SPAG17: variants seen among roughly 807,000 people sequenced by gnomAD.
The protein encoded by SPAG17 is sperm associated antigen 17.
In SPAG17, 169 loss-of-function variants were observed where a neutral mutation model predicts 273.6. That is an observed-to-expected ratio of 0.62 (90% CI 0.55 to 0.70). SPAG17 has a LOEUF of 0.70. Among genes scored for constraint, SPAG17 ranks in the 30% least tolerant of loss-of-function variants. SPAG17 has a pLI of 0.00. For synonymous variants in SPAG17, 825 were observed against 873.2 expected (o/e 0.94, Z 0.97); for missense variants, 2,557 against 2,627.8 (o/e 0.97, Z 0.59).
At chr1:118,035,647 C>T (rs545318377) in intron 24 of SPAG17, among the ~76,000 whole-genome samples, 1 of 152,188 alleles carries the variant, frequency 6.6e-6, no homozygotes, top group South Asian at 2.1e-4. Context: ...GAAAATTTAT[C>T]TCTGCAAAAA....
rs186037411 is a variant in SPAG17 at position 118,147,470 on chromosome 1, A to G, written c.315+3073T>C. On this transcript the variant is annotated intron_variant, in intron 3 of 48. Coordinates refer to ENST00000336338, the MANE Select transcript of SPAG17 (RefSeq NM_206996.4). ...CCAACATTCCTGAGAATATACACAA[A>G]TAATAATATTCTGTTCTCATTCCCA... Among the ~76,000 whole-genome samples the G allele has an allele frequency of 5.3e-5, 8 of 151,878 alleles. No individual in the cohort carries two copies. In the South Asian group the frequency reaches 8.4e-4, roughly 16 times the overall value.
chr1:118,094,059 A>G (rs1655557709), intron 7 of SPAG17, among the ~76,000 whole-genome samples: 1 of 152,154 alleles, frequency 6.6e-6, no homozygotes, highest in Admixed American at 6.5e-5. Context: ...TCTGAGTTCA[A>G]GAAGTAAGGT....
At position 118,094,078 on chromosome 1, in the gene SPAG17, A is replaced by T. The variant is rs574552682; in HGVS notation, c.1012-761T>A. ...AGTTCAAGAAGTAAGGTGGTATGAG[A>T]TGGTTCCTTGTATGCAGAAGTCCAG... On this transcript the variant is annotated intron_variant, in intron 7 of 48. Coordinates refer to ENST00000336338, the MANE Select transcript of SPAG17 (RefSeq NM_206996.4). Among the ~76,000 whole-genome samples the T allele has an allele frequency of 3.3e-5, 5 of 152,252 alleles. No homozygotes were observed. In the East Asian group the frequency reaches 9.6e-4, roughly 29 times the overall value.
chr1:118,025,446 C>A lies in SPAG17; in HGVS notation c.3731-30G>T, dbSNP rs376669390. 2.1e-6 allele frequency: 3 copies of A among 1,423,690 alleles called. No homozygotes were observed. In the East Asian group the frequency reaches 7.3e-5, roughly 35 times the overall value. 88.2% of individuals were successfully genotyped at this position (1,423,690 alleles called of 1,614,324 possible). ...AAAAAGAATAAAGCCTTCTTGTGAA[C>A]TGGACAATGCTGCAGGGCTGGATTT... On this transcript the variant is annotated intron_variant, in intron 26 of 48. Transcript: ENST00000336338.
chr1:118,141,032 C>A (rs550401674), intron 3 of SPAG17, among the ~76,000 whole-genome samples: 9 of 152,176 alleles, frequency 5.9e-5, no homozygotes, highest in Non-Finnish European at 1.2e-4. Context: ...TCCTTTCATT[C>A]ATCTCCAAAC....
At chr1:118,030,231 T>C (rs1648283563) in intron 25 of SPAG17, among the ~76,000 whole-genome samples, 1 of 152,138 alleles carries the variant, frequency 6.6e-6, no homozygotes, top group African/African-American at 2.4e-5. Context: ...GGCAATGACA[T>C]ATTTAAACCT....
intron 1 of SPAG17, among the ~76,000 whole-genome samples, chr1:118,178,147 G>C (rs1431964792): frequency 6.6e-6 from 1 of 152,054 alleles, no homozygotes; most frequent in Admixed American, 6.5e-5. Flanking sequence ...CACTGATAAA[G>C]TGATAAATAT....
chr1:118,150,557 G>A lies in SPAG17; in HGVS notation c.301C>T (p.Pro101Ser), dbSNP rs544643666. ...CTTTCACTTACCTCATAATATAAAG[G>A]AGCATTACCACCTACAGGTTTTTTT... The part of the protein sequence containing the change: ...KAKKPVGGNA[P>S]LYYEVLTAAK... Residue 101 changes from proline to serine, a missense_variant, in exon 3 of 49, where the codon CCT becomes TCT. Transcript: ENST00000336338. 13 of 1,566,406 alleles carry A rather than the reference G, an allele frequency of 8.3e-6. No individual in the cohort carries two copies. Among genetic ancestry groups the A allele is most frequent in the Non-Finnish European group, 4.4e-6 (5 of 1,144,224 alleles).
chr1:118,111,388 G>GC (rs1656743767), intron 4 of SPAG17, among the ~76,000 whole-genome samples: 1 of 152,020 alleles, frequency 6.6e-6, no homozygotes, highest in African/African-American at 2.4e-5. Flanking sequence ...AGTTAGTGAG[G>GC]CAAGTTATTC....
chr1:118,081,047 T>C, intron 15 of SPAG17, 54 bp downstream of exon 15: 1 of 1,365,472 alleles, frequency 7.3e-7, no homozygotes, highest in East Asian at 2.3e-5. Flanking sequence ...ATGTGTACTA[T>C]AATAGTGTCT....
chr1:117,978,438 C>T (rs1222761568), intron 43 of SPAG17, among the ~76,000 whole-genome samples: 1 of 152,200 alleles, frequency 6.6e-6, no homozygotes, highest in African/African-American at 2.4e-5. Flanking sequence ...ACCTTGTGGT[C>T]TTGCACCTTA....
chr1:118,042,133 T>C (rs1259158162), intron 20 of SPAG17, 91 bp from the exon 21 acceptor site: 14 of 1,448,310 alleles, frequency 9.7e-6, no homozygotes, highest in Non-Finnish European at 1.3e-5. Context: ...TTTAACATGA[T>C]TTTTGTTAGT....
chr1:118,125,247 T>TATATATATATA (rs1657651213), intron 3 of SPAG17, among the ~76,000 whole-genome samples: 1 of 136,376 alleles, frequency 7.3e-6, no homozygotes, highest in African/African-American at 3.5e-5. Context: ...ATATATATAT[T>TATATATATATA]TTTGACATAT....
rs752300584 is a variant in SPAG17 at position 118,081,602 on chromosome 1, C to T, written c.1803G>A (p.Val601=). The change falls in exon 14 of 49, where the codon GTG becomes GTA. Residue 601 remains valine, a synonymous_variant. Coordinates refer to ENST00000336338, the MANE Select transcript of SPAG17 (RefSeq NM_206996.4). ...SWNEVERAFK[V]FTFESLKLSE... ...AGAGCTTCAGGCTCTCAAAAGTAAA[C>T]ACCTTGAAGGCTCGTTCTACTTCAT... 5.6e-6 allele frequency: 9 copies of T among 1,613,996 alleles called. No homozygotes were observed. The highest frequency in any genetic ancestry group is 7.6e-6 in the Non-Finnish European group (9 of 1,179,974).
chr1:117,954,190 G>T (rs1651827337), intron 48 of SPAG17, 141 bp from the exon 49 acceptor site: 1 of 1,062,944 alleles, frequency 9.4e-7, no homozygotes, highest in Admixed American at 2.3e-5. Flanking sequence ...CTAAGATCAG[G>T]ATATGCAATA....
At chr1:118,011,759 GAC>G (rs142676912) in intron 30 of SPAG17, among the ~76,000 whole-genome samples, 19 of 149,366 alleles carry the variant, frequency 1.3e-4, no homozygotes, top group East Asian at 2.0e-4. Flanking sequence ...CACACACACA[GAC>G]ACACACACAC....
chr1:118,165,621 G>A (rs1220963820), intron 1 of SPAG17, among the ~76,000 whole-genome samples: 1 of 141,180 alleles, frequency 7.1e-6, no homozygotes, highest in Non-Finnish European at 1.5e-5. Context: ...AACAACAAGT[G>A]TAAATTAAAA....
chr1:118,127,329 T>G (rs2102288012), intron 3 of SPAG17, among the ~76,000 whole-genome samples: 1 of 152,320 alleles, frequency 6.6e-6, no homozygotes, highest in Non-Finnish European at 1.5e-5. Flanking sequence ...AGTAGGGTGC[T>G]GGCATCTGCG....
Position 118,081,254 on chromosome 1 carries a change from C to A in SPAG17, c.2056G>T (p.Glu686Ter), listed in dbSNP as rs1213988001. 6.2e-7 allele frequency: 1 copy of A among 1,614,100 alleles called. No homozygotes were observed. Among genetic ancestry groups the A allele is most frequent in the Admixed American group, 1.7e-5 (1 of 60,008 alleles). ...GGATCTGAAGGTTCTCGGTTGCTTTCATTATCTTGCACAGACATTGACAAA... is the reference window on the plus strand; with the variant it reads ...GGATCTGAAGGTTCTCGGTTGCTTTAATTATCTTGCACAGACATTGACAAA... ...QNLSMSVQDN[E>*]SNREPSDPSQ... The change falls in exon 15 of 49, where the codon GAA (glutamate) becomes TAA (stop). Residue 686 changes from glutamate to a stop codon, truncating the protein, a stop_gained. Transcript: ENST00000336338. LOFTEE classifies it high-confidence loss of function.
Sources: allele counts gnomAD v4.1 joint callset (sites outside exome capture counted in the v4.1 genomes callset), GRCh38; gene constraint gnomAD v4.1.1; transcripts MANE v1.5; gene names NCBI Gene and HGNC (gene_info 2026-07-23, HGNC 2026-07-21).